FGF12: variants seen among roughly 807,000 people sequenced by gnomAD.
FGF12 encodes the protein fibroblast growth factor 12, also known as fibroblast growth factor 12B.
A neutral mutation model predicts 23.6 loss-of-function variants in FGF12; 14 were observed. The observed-to-expected ratio is 0.59, with a 90% CI of 0.39 to 0.93. The LOEUF (loss-of-function observed/expected upper bound fraction) is 0.93. Ranked by LOEUF, FGF12 falls within the 40% of genes least tolerant of loss-of-function variation. FGF12 has a pLI of 0.00. For missense variants in FGF12, 175 were observed against 217.8 expected (o/e 0.80, Z 1.24); for synonymous variants, 62 against 77.3 (o/e 0.80, Z 1.04).
intron 4 of FGF12, among the ~76,000 whole-genome samples, chr3:192,218,951 T>A (rs1400916632): frequency 6.6e-6 from 1 of 152,252 alleles, no homozygotes; most frequent in African/African-American, 2.4e-5. Flanking sequence ...CTGCCTATTG[T>A]GACCCCTAGC....
intron 2 of FGF12, among the ~76,000 whole-genome samples, chr3:192,507,910 A>C (rs1724361719): frequency 6.6e-6 from 1 of 152,146 alleles, no homozygotes; most frequent in Non-Finnish European, 1.5e-5. Flanking sequence ...ATCCACCCAC[A>C]AGTTCCTTAG....
chr3:192,646,816 A>G (rs2108671982), intron 2 of FGF12, among the ~76,000 whole-genome samples: 1 of 152,254 alleles, frequency 6.6e-6, no homozygotes, highest in South Asian at 2.1e-4. Context: ...CTACGAATAT[A>G]CTGAAAACCA....
chr3:192,246,771 G>C (rs1440646003), intron 4 of FGF12, among the ~76,000 whole-genome samples: 1 of 148,474 alleles, frequency 6.7e-6, no homozygotes, highest in Non-Finnish European at 1.5e-5. Context: ...ATTGCAGTGA[G>C]CCAAGATTGT....
intron 2 of FGF12, among the ~76,000 whole-genome samples, chr3:192,710,709 G>T (rs1718634984): frequency 6.6e-6 from 1 of 152,174 alleles, no homozygotes. Context: ...CAAACATCAA[G>T]CATCTAGCCA....
chr3:192,367,605 T>C (rs1029498005), intron 2 of FGF12, among the ~76,000 whole-genome samples: 1 of 152,294 alleles, frequency 6.6e-6, no homozygotes, highest in East Asian at 1.9e-4. Context: ...ACCTGGACTT[T>C]TGAACACACT....
chr3:192,281,381 G>A (rs1163424983), intron 4 of FGF12, among the ~76,000 whole-genome samples: 1 of 152,066 alleles, frequency 6.6e-6, no homozygotes, highest in African/African-American at 2.4e-5. Flanking sequence ...ACTAGTCATT[G>A]GATGGAGGGC....
chr3:192,692,333 T>C (rs1017846931), intron 2 of FGF12, among the ~76,000 whole-genome samples: 1 of 152,136 alleles, frequency 6.6e-6, no homozygotes, highest in African/African-American at 2.4e-5. Context: ...TGTGAGATTA[T>C]CCCTGGGGAG....
chr3:192,270,773 A>T (rs1488966177), intron 4 of FGF12, among the ~76,000 whole-genome samples: 2 of 151,640 alleles, frequency 1.3e-5, no homozygotes, highest in Non-Finnish European at 2.9e-5. Flanking sequence ...GAATGGATGG[A>T]GGGAAGAAAA....
intron 5 of FGF12, among the ~76,000 whole-genome samples, chr3:192,162,763 T>C (rs927679425): frequency 1.3e-5 from 2 of 152,124 alleles, no homozygotes; most frequent in African/African-American, 2.4e-5. Flanking sequence ...TGTCCACCAG[T>C]TGGAGTTTTA....
intron 2 of FGF12, among the ~76,000 whole-genome samples, chr3:192,416,860 C>CAG (rs1238512070): frequency 6.6e-6 from 1 of 152,030 alleles, no homozygotes; most frequent in African/African-American, 2.4e-5. Flanking sequence ...AACAGACAGA[C>CAG]AGATAGATAT....
intron 2 of FGF12, among the ~76,000 whole-genome samples, chr3:192,706,352 C>T (rs957623162): frequency 3.3e-5 from 5 of 152,084 alleles, no homozygotes; most frequent in Non-Finnish European, 5.9e-5. Context: ...TCTTTTCTTT[C>T]GCCCACCTCA....
At chr3:192,407,280 T>C (rs1380261662) in intron 2 of FGF12, among the ~76,000 whole-genome samples, 2 of 152,218 alleles carry the variant, frequency 1.3e-5, no homozygotes, top group Admixed American at 1.3e-4. Context: ...GGCCAAACTG[T>C]GTATACTGTC....
chr3:192,477,776 G>A (rs900280497), intron 2 of FGF12, among the ~76,000 whole-genome samples: 6 of 152,094 alleles, frequency 3.9e-5, no homozygotes, highest in African/African-American at 7.2e-5. Context: ...GACTTCACTC[G>A]AAACCACATA....
intron 2 of FGF12, among the ~76,000 whole-genome samples, chr3:192,578,494 T>G (rs958765892): frequency 6.6e-6 from 1 of 152,206 alleles, no homozygotes; most frequent in African/African-American, 2.4e-5. Flanking sequence ...TATTCAAAAC[T>G]TATTTATTAA....
rs779797385 is a variant in FGF12, at chr3:192,170,690, G to C, written c.229-34C>G. The C allele has an allele frequency of 4.5e-6, 7 of 1,548,954 alleles. No homozygotes were observed. In the Admixed American group the frequency reaches 1.4e-4, roughly 30 times the overall value. On this transcript the variant is annotated intron_variant, in intron 4 of 5. Coordinates refer to ENST00000445105, the MANE Select transcript of FGF12 (RefSeq NM_004113.6). ...AAAAAAAAAAAAGACACAAAAAAGAGAAATGATTTAAAGGTGAATCAGCAA... is the reference window on the plus strand; with the variant it reads ...AAAAAAAAAAAAGACACAAAAAAGACAAATGATTTAAAGGTGAATCAGCAA...
chr3:192,352,716 A>G (rs1248400866), intron 3 of FGF12, among the ~76,000 whole-genome samples: 4 of 152,230 alleles, frequency 2.6e-5, no homozygotes, highest in Admixed American at 2.6e-4. Context: ...GAATCAAACC[A>G]TTTAAACTAC....
intron 2 of FGF12, among the ~76,000 whole-genome samples, chr3:192,708,871 G>A (rs1718574223): frequency 6.6e-6 from 1 of 152,156 alleles, no homozygotes; most frequent in South Asian, 2.1e-4. Flanking sequence ...TGCTTTGAAT[G>A]AGTAATGTAA....
At chr3:192,198,943 ATCTTTTCAT>A (rs1354290676) in intron 4 of FGF12, among the ~76,000 whole-genome samples, 1 of 152,178 alleles carries the variant, frequency 6.6e-6, no homozygotes. Flanking sequence ...AACTTATATA[ATCTTTTCAT>A]TCTGGAAAAT....
intron 4 of FGF12, among the ~76,000 whole-genome samples, chr3:192,179,080 A>T (rs776130330): frequency 1.8e-4 from 28 of 152,212 alleles, no homozygotes; most frequent in Non-Finnish European, 3.4e-4. Flanking sequence ...ACGCATAATG[A>T]TATTAAATCA....
Sources: gnomAD v4.1 joint callset for allele counts (sites outside exome capture counted in the v4.1 genomes callset) on GRCh38, gnomAD v4.1.1 for gene constraint, MANE v1.5 for transcripts, NCBI Gene and HGNC (gene_info 2026-07-23, HGNC 2026-07-21) for gene names.